ACAD9: variants seen among roughly 807,000 people sequenced by gnomAD.
ACAD9 encodes the protein acyl-CoA dehydrogenase family member 9.
In ACAD9, 53 loss-of-function variants were observed where a neutral mutation model predicts 70.2. The observed-to-expected ratio is 0.75, with a 90% CI of 0.61 to 0.95. The LOEUF is 0.95. ACAD9 is among the 40% of genes least tolerant of loss of function. The pLI is 0.00. For synonymous variants in ACAD9, 313 were observed against 312.1 expected, an observed-to-expected ratio of 1.00 and a Z score of -0.03; for missense variants, 777 against 802.8, an observed-to-expected ratio of 0.97 and a Z score of 0.39.
intron 1 of ACAD9, among the ~76,000 whole-genome samples, chr3:128,883,078 T>G (rs1043682974): frequency 3.3e-5 from 5 of 151,650 alleles, no homozygotes; most frequent in African/African-American, 1.2e-4. Flanking sequence ...AGCTTGTTTT[T>G]TTTTTTTTTT....
intron 12 of ACAD9, among the ~76,000 whole-genome samples, chr3:128,907,194 T>C (rs756308472): frequency 2.0e-5 from 3 of 152,072 alleles, no homozygotes; most frequent in Non-Finnish European, 4.4e-5. Flanking sequence ...TCTGGGAGTG[T>C]AGTCTTGTCT....
intron 4 of ACAD9, 129 bp from the exon 5 acceptor site, chr3:128,896,307 T>C: frequency 9.7e-7 from 1 of 1,029,912 alleles, no homozygotes; most frequent in Middle Eastern, 2.0e-4. Flanking sequence ...CTGTGGCCGC[T>C]TGCTCTGAGT....
chr3:128,895,232 GAA>G, intron 3 of ACAD9, 76 bp from the exon 4 acceptor site: 1 of 999,336 alleles, frequency 1.0e-6, no homozygotes, highest in Non-Finnish European at 1.5e-6. Flanking sequence ...ATAATCAGAA[GAA>G]AAAAAAAAGC....
At position 128,899,480 on chromosome 3, in the gene ACAD9, C is replaced by G; in HGVS notation, c.808+19C>G. 1.2e-6 allele frequency: 2 copies of G among 1,611,886 alleles called. No individual in the cohort carries two copies. Among genetic ancestry groups the G allele is most frequent in the Non-Finnish European group, 1.7e-6 (2 of 1,178,886 alleles). On this transcript the variant is annotated intron_variant, in intron 7 of 17. Transcript: ENST00000308982. Reference sequence around the variant, plus strand: ...TCCAACAGTAAGTAGCTCCTGTGCGCGCGTGCGCGTGTGTGTGTGTAAGGG... The same window carrying G: ...TCCAACAGTAAGTAGCTCCTGTGCGGGCGTGCGCGTGTGTGTGTGTAAGGG...
chr3:128,886,123 G>C (rs748234925), intron 2 of ACAD9, among the ~76,000 whole-genome samples: 2 of 150,526 alleles, frequency 1.3e-5, no homozygotes, highest in Admixed American at 6.6e-5. Flanking sequence ...GTTTTTCCGA[G>C]ACAGAGTCTC....
At position 128,901,269 on chromosome 3, in the gene ACAD9, G is replaced by A. The variant is rs374079189; in HGVS notation, c.809-7G>A. On this transcript the variant is annotated splice_region_variant and splice_polypyrimidine_tract_variant and intron_variant, in intron 7 of 17. Coordinates refer to ENST00000308982, the MANE Select transcript of ACAD9 (RefSeq NM_014049.5). ...TCAGATGATATCTTAAATTTCATGTGTTTCAGCTTGTGAAGTCCATTTTGA... is the reference window on the plus strand; with the variant it reads ...TCAGATGATATCTTAAATTTCATGTATTTCAGCTTGTGAAGTCCATTTTGA... 6.2e-6 allele frequency: 10 copies of A among 1,613,780 alleles called. No homozygotes were observed. The South Asian group carries it at 6.6e-5, about 11-fold the overall frequency.
intron 8 of ACAD9, 28 bp downstream of exon 8, chr3:128,901,377 C>G (rs747349957): frequency 7.4e-6 from 12 of 1,612,796 alleles, no homozygotes; most frequent in Admixed American, 1.7e-5. Flanking sequence ...GCCCCTTGTA[C>G]CAGGTAGTGT....
intron 6 of ACAD9, among the ~76,000 whole-genome samples, chr3:128,898,280 C>T (rs565054143): frequency 5.9e-5 from 9 of 152,300 alleles, no homozygotes; most frequent in East Asian, 1.9e-4. Flanking sequence ...CCAGCAGCAT[C>T]GCCACCTCCA....
In ACAD9 at chr3:128,879,640, T is replaced by A. The variant is rs763642284; in HGVS notation, c.-52T>A. 1.9e-6 allele frequency: 3 copies of A among 1,602,792 alleles called. No individual in the cohort carries two copies. The Admixed American group carries it at 5.0e-5, about 27-fold the overall frequency. On this transcript the variant is annotated 5_prime_UTR_variant, in exon 1 of 18. Transcript: ENST00000308982. Reference sequence around the variant, plus strand: ...ACGTCATCAGACGTGTGTGTGTCCCTGCGGCGCTAAGAAGGGGAGACTGAG... The same window carrying A: ...ACGTCATCAGACGTGTGTGTGTCCCAGCGGCGCTAAGAAGGGGAGACTGAG...
At chr3:128,896,688 C>G in intron 5 of ACAD9, 152 bp downstream of exon 5, 1 of 781,806 alleles carries the variant, frequency 1.3e-6, no homozygotes, top group Non-Finnish European at 2.2e-6. Flanking sequence ...CTTGCCATTC[C>G]TCTTATCTTG....
intron 3 of ACAD9, 126 bp downstream of exon 3, chr3:128,893,782 C>A: frequency 1.3e-6 from 1 of 792,180 alleles, no homozygotes; most frequent in Non-Finnish European, 2.2e-6. Context: ...TAGGGGTGGA[C>A]TGACTGAAGG....
At chr3:128,894,532 G>A (rs960803151) in intron 3 of ACAD9, among the ~76,000 whole-genome samples, 3 of 148,892 alleles carry the variant, frequency 2.0e-5, no homozygotes, top group Non-Finnish European at 4.5e-5. Flanking sequence ...AAGATTGCGA[G>A]CTTTTTTTTT....
At chr3:128,885,931 T>C (rs1193589998) in intron 2 of ACAD9, among the ~76,000 whole-genome samples, 1 of 151,584 alleles carries the variant, frequency 6.6e-6, no homozygotes, top group African/African-American at 2.4e-5. Context: ...GCAGGCGAAT[T>C]GCTTGAACCC....
In ACAD9 at chr3:128,904,379, A is replaced by C. The variant is rs758166180; in HGVS notation, c.1030-7A>C. On this transcript the variant is annotated splice_polypyrimidine_tract_variant and splice_region_variant and intron_variant, in intron 10 of 17. Coordinates refer to ENST00000308982, the MANE Select transcript of ACAD9 (RefSeq NM_014049.5). ...ATTGTTTCTTGTGTTTTTTCTGAACACTCCAGGAGAAATTTGCACTGATGG... is the reference window on the plus strand; with the variant it reads ...ATTGTTTCTTGTGTTTTTTCTGAACCCTCCAGGAGAAATTTGCACTGATGG... The C allele has an allele frequency of 6.2e-7, 1 of 1,614,114 alleles. No homozygotes were observed.
intron 2 of ACAD9, among the ~76,000 whole-genome samples, chr3:128,886,759 T>C (rs1005241069): frequency 1.3e-5 from 2 of 150,752 alleles, no homozygotes; most frequent in Non-Finnish European, 3.0e-5. Flanking sequence ...AGAAAAAAAT[T>C]GATGGAAAGA....
At chr3:128,893,417 C>A in intron 2 of ACAD9, 138 bp from the exon 3 acceptor site, 1 of 696,672 alleles carries the variant, frequency 1.4e-6, no homozygotes, top group Admixed American at 2.7e-5. Context: ...GCCAAATGAC[C>A]ATGACTACAG....
At chr3:128,912,164 C>A (rs982933843) in intron 17 of ACAD9, among the ~76,000 whole-genome samples, 1 of 152,156 alleles carries the variant, frequency 6.6e-6, no homozygotes, top group African/African-American at 2.4e-5. Context: ...AGACACCCCC[C>A]CAGTGCTGAC....
At chr3:128,887,253 C>T (rs781552573) in intron 2 of ACAD9, among the ~76,000 whole-genome samples, 1 of 152,072 alleles carries the variant, frequency 6.6e-6, no homozygotes, top group Non-Finnish European at 1.5e-5. Flanking sequence ...ACACACACTT[C>T]CAGGACATAG....
intron 8 of ACAD9, among the ~76,000 whole-genome samples, chr3:128,901,946 C>T (rs1935751406): frequency 6.6e-6 from 1 of 152,178 alleles, no homozygotes; most frequent in South Asian, 2.1e-4. Flanking sequence ...CATAAAAATG[C>T]AGTCATATAC....
Sources: allele counts gnomAD v4.1 joint callset (sites outside exome capture counted in the v4.1 genomes callset), GRCh38; gene constraint gnomAD v4.1.1; transcripts MANE v1.5; gene names NCBI Gene and HGNC (gene_info 2026-07-23, HGNC 2026-07-21).